STK32B: variants seen among roughly 807,000 people sequenced by gnomAD.
The protein encoded by STK32B is serine/threonine-protein kinase 32B.
In STK32B, 43 loss-of-function variants were observed where a neutral mutation model predicts 52.6. The observed-to-expected ratio is 0.82, with a 90% CI of 0.64 to 1.05. The LOEUF (loss-of-function observed/expected upper bound fraction) is 1.05. Ranked by LOEUF, STK32B falls within the 50% of genes least tolerant of loss-of-function variation. STK32B has a pLI of 0.00. For missense variants in STK32B, 621 were observed against 534.6 expected, an observed-to-expected ratio of 1.16 and a Z score of -1.59; for synonymous variants, 238 against 204.3, an observed-to-expected ratio of 1.17 and a Z score of -1.41.
In STK32B at chr4:5,441,144, C is replaced by T. The variant is rs1246105344; in HGVS notation, c.563-5529C>T. Among the ~76,000 whole-genome samples the T allele has an allele frequency of 2.7e-5, 4 of 149,034 alleles. No homozygotes were observed. In the East Asian group the frequency reaches 8.0e-4, roughly 30 times the overall value. On this transcript the variant is annotated intron_variant, in intron 6 of 11. Coordinates refer to ENST00000282908, the MANE Select transcript of STK32B (RefSeq NM_018401.3). ...TAAAATGAGTTAGGGAGGATTCCCT[C>T]TTTTTCTATTGATTGGAATAGTTTC... is the stretch of plus-strand genomic sequence containing the variant.
chr4:5,133,648 G>A (rs1182933634), intron 1 of STK32B, among the ~76,000 whole-genome samples: 1 of 152,158 alleles, frequency 6.6e-6, no homozygotes, highest in African/African-American at 2.4e-5. Context: ...ATTATATGCT[G>A]ATTATATAAT....
chr4:5,403,282 T>TC (rs1737434038), intron 5 of STK32B, among the ~76,000 whole-genome samples: 1 of 151,950 alleles, frequency 6.6e-6, no homozygotes, highest in Admixed American at 6.5e-5. Context: ...TTCCTCTAAT[T>TC]CCCCTAGGTA....
intron 4 of STK32B, among the ~76,000 whole-genome samples, chr4:5,392,350 C>T (rs1440261065): frequency 1.3e-5 from 2 of 152,072 alleles, no homozygotes; most frequent in Non-Finnish European, 2.9e-5. Context: ...CACTGGAATT[C>T]AGGAGGCGGA....
chr4:5,372,727 G>T, intron 4 of STK32B, among the ~76,000 whole-genome samples: 1 of 150,158 alleles, frequency 6.7e-6, no homozygotes, highest in South Asian at 2.1e-4. Context: ...AGTTGGGGGG[G>T]GGGGCGGTTA....
At chr4:5,174,190 T>A (rs1719629076) in intron 3 of STK32B, among the ~76,000 whole-genome samples, 1 of 152,232 alleles carries the variant, frequency 6.6e-6, no homozygotes, top group African/African-American at 2.4e-5. Flanking sequence ...TGAGCCTATG[T>A]GTGTCTCTGC....
chr4:5,154,554 T>C (rs952798389), intron 2 of STK32B, among the ~76,000 whole-genome samples: 5 of 152,196 alleles, frequency 3.3e-5, no homozygotes, highest in African/African-American at 2.4e-5. Flanking sequence ...GCTAGGATTT[T>C]ACTTGGCTTG....
At position 5,115,903 on chromosome 4, in the gene STK32B, C is replaced by T. The variant is rs533768150; in HGVS notation, c.53-24002C>T. Among the ~76,000 whole-genome samples, 24 of 152,226 alleles carry T rather than the reference C, an allele frequency of 1.6e-4. No homozygotes were observed. In the South Asian group the frequency reaches 3.3e-3, roughly 21 times the overall value. On this transcript the variant is annotated intron_variant, in intron 1 of 11. Coordinates refer to ENST00000282908, the MANE Select transcript of STK32B (RefSeq NM_018401.3). ...AATTGATAGTATTAATTAACCTTTC[C>T]GAGCTTCAGTCATCTTAACTGTAAA... is the stretch of plus-strand genomic sequence containing the variant.
At chr4:5,299,017 A>T (rs1007116031) in intron 3 of STK32B, among the ~76,000 whole-genome samples, 1 of 152,006 alleles carries the variant, frequency 6.6e-6, no homozygotes, top group African/African-American at 2.4e-5. Flanking sequence ...CTCACGGCAC[A>T]GTCCCTCATG....
intron 4 of STK32B, among the ~76,000 whole-genome samples, chr4:5,361,677 A>G (rs1461308943): frequency 6.6e-6 from 1 of 152,254 alleles, no homozygotes. Context: ...GAACGTCTGG[A>G]CTAGAATTCT....
In STK32B at chr4:5,253,607, C is replaced by T. The variant is rs527953029; in HGVS notation, c.261-77613C>T. ...GACAGGCTGGTCTCAAACTCCTAAC[C>T]TCAGGTGATCCACCCACCTCGGCCT... On this transcript the variant is annotated intron_variant, in intron 3 of 11. Transcript: ENST00000282908. Among the ~76,000 whole-genome samples, 229 of 152,126 alleles carry T rather than the reference C, an allele frequency of 1.5e-3. 1 individual carries two copies. The highest frequency in any genetic ancestry group is 5.3e-3 in the African/African-American group (222 of 41,512).
the STK32B span, among the ~76,000 whole-genome samples, chr4:5,029,313 T>G: frequency 6.6e-6 from 1 of 152,202 alleles, no homozygotes. Flanking sequence ...AAAAGAGAGA[T>G]AAGCCAGGTG....
At chr4:5,054,513 T>TGG (rs34238647) in intron 1 of STK32B, among the ~76,000 whole-genome samples, 2 of 138,226 alleles carry the variant, frequency 1.4e-5, no homozygotes, top group Admixed American at 7.3e-5. Context: ...CTGGCTCATG[T>TGG]GGGGGGATTG....
At chr4:5,254,096 TG>T (rs111704766) in intron 3 of STK32B, among the ~76,000 whole-genome samples, 5,994 of 152,320 alleles carry the variant, frequency 0.039, 393 homozygotes, top group African/African-American at 0.13. Flanking sequence ...AATCTTTTTT[TG>T]TAGATAAAGG....
chr4:5,102,245 A>C (rs576210682), intron 1 of STK32B, among the ~76,000 whole-genome samples: 25 of 152,284 alleles, frequency 1.6e-4, no homozygotes, highest in Non-Finnish European at 3.1e-4. Context: ...TACAGTAAAC[A>C]ATCCTGGGCT....
intron 3 of STK32B, among the ~76,000 whole-genome samples, chr4:5,270,415 T>A (rs1270574886): frequency 6.6e-6 from 1 of 152,162 alleles, no homozygotes; most frequent in Non-Finnish European, 1.5e-5. Flanking sequence ...TGTCAGCTGA[T>A]TAGATGGCGC....
rs143590177 is a variant in STK32B, at chr4:5,338,301, C to T, written c.434+6908C>T. ...AGTAAAGATATTGTTCAGCGTAATA[C>T]ACAACTGTTCATTTACTCAGTCATT... is the stretch of plus-strand genomic sequence containing the variant. On this transcript the variant is annotated intron_variant, in intron 4 of 11. Transcript: ENST00000282908. 7.8e-4 allele frequency among the ~76,000 whole-genome samples: 119 copies of T among 152,276 alleles called. No homozygotes were observed. In the Middle Eastern group the frequency reaches 0.01, roughly 13 times the overall value.
rs1735713792 is a variant in STK32B at position 5,378,372 on chromosome 4, A to G, written c.435-19835A>G. On this transcript the variant is annotated intron_variant, in intron 4 of 11. Coordinates refer to ENST00000282908, the MANE Select transcript of STK32B (RefSeq NM_018401.3). This position sits in a 1 kb window ranked among gnomAD's most constrained non-coding sequence, Gnocchi z 4.4. Reference sequence around the variant, plus strand: ...CAGACCAGTAGCCAAGCTCCTAGAGATTCTGAAGCCCTGTGCCTGGGTCGT... The same window carrying G: ...CAGACCAGTAGCCAAGCTCCTAGAGGTTCTGAAGCCCTGTGCCTGGGTCGT... Among the ~76,000 whole-genome samples, 1 of 152,166 alleles carries G rather than the reference A, an allele frequency of 6.6e-6. No individual in the cohort carries two copies. Among genetic ancestry groups the G allele is most frequent in the South Asian group, 2.1e-4 (1 of 4,830 alleles).
At chr4:5,318,827 T>C (rs374882640) in intron 3 of STK32B, among the ~76,000 whole-genome samples, 4 of 149,816 alleles carry the variant, frequency 2.7e-5, no homozygotes, top group African/African-American at 9.8e-5. Context: ...TGAGACGGAG[T>C]CTTGCTCTGT....
chr4:5,464,942 G>A (rs1483635956), intron 9 of STK32B, among the ~76,000 whole-genome samples: 1 of 152,202 alleles, frequency 6.6e-6, no homozygotes, highest in Non-Finnish European at 1.5e-5. Context: ...GCTCCTTAGG[G>A]GAGGGCAACT....
Sources: gnomAD v4.1 joint callset for allele counts (sites outside exome capture counted in the v4.1 genomes callset) on GRCh38, gnomAD v4.1.1 for gene constraint, Gnocchi (gnomAD v3.1) non-coding constraint, MANE v1.5 for transcripts, NCBI Gene and HGNC (gene_info 2026-07-23, HGNC 2026-07-21) for gene names.